GPC6: variants seen among roughly 807,000 people sequenced by gnomAD.
GPC6 encodes glypican-6.
A neutral mutation model predicts 55.2 loss-of-function variants in GPC6; 14 were observed. The observed-to-expected ratio is 0.25, with a 90% confidence interval of 0.17 to 0.40. GPC6 has a LOEUF of 0.40. GPC6 is among the 10% of genes least tolerant of loss of function. The probability of loss-of-function intolerance (pLI) is 1.00; values close to 1 mark genes in which losing one functional copy is unlikely to be tolerated. For synonymous variants in GPC6, 278 were observed against 259.6 expected (o/e 1.07, Z -0.68); for missense variants, 641 against 708.5 (o/e 0.90, Z 1.08).
intron 4 of GPC6, among the ~76,000 whole-genome samples, chr13:94,163,346 C>T (rs1888235212): frequency 6.6e-6 from 1 of 151,874 alleles, no homozygotes; most frequent in Non-Finnish European, 1.5e-5. Flanking sequence ...ACCTCCACCT[C>T]CCTTGACTCC....
chr13:94,176,683 C>T (rs1888786166), intron 4 of GPC6, among the ~76,000 whole-genome samples: 1 of 152,138 alleles, frequency 6.6e-6, no homozygotes, highest in Non-Finnish European at 1.5e-5. Context: ...ATGTATTCTC[C>T]TTCTATTAAG....
chr13:94,066,110 A>G (rs1884506746), intron 4 of GPC6, among the ~76,000 whole-genome samples: 1 of 152,204 alleles, frequency 6.6e-6, no homozygotes, highest in Non-Finnish European at 1.5e-5. Flanking sequence ...AATAGACAGT[A>G]TAAATTAATT....
chr13:94,313,694 TAA>T (rs1476371361), intron 6 of GPC6, among the ~76,000 whole-genome samples: 1 of 152,190 alleles, frequency 6.6e-6, no homozygotes, highest in Non-Finnish European at 1.5e-5. Context: ...TTGCACAACT[TAA>T]TATTAAGTGT....
intron 3 of GPC6, among the ~76,000 whole-genome samples, chr13:93,948,508 T>C (rs374236877): frequency 8.5e-5 from 13 of 152,310 alleles, no homozygotes; most frequent in African/African-American, 1.9e-4. Flanking sequence ...AATTTTTTCT[T>C]AAATTATTAA....
intron 2 of GPC6, among the ~76,000 whole-genome samples, chr13:93,787,741 A>G (rs1014415628): frequency 1.3e-5 from 2 of 152,200 alleles, no homozygotes; most frequent in African/African-American, 2.4e-5. Flanking sequence ...GTTAGCTATT[A>G]TCACCCTTCT....
chr13:93,403,345 T>C (rs1326037297), intron 1 of GPC6, among the ~76,000 whole-genome samples: 1 of 152,190 alleles, frequency 6.6e-6, no homozygotes, highest in Admixed American at 6.5e-5. Flanking sequence ...CTGGCTCTTC[T>C]TTTAGTAAAA....
intron 4 of GPC6, among the ~76,000 whole-genome samples, chr13:94,214,677 G>A (rs1259606900): frequency 1.1e-4 from 17 of 152,036 alleles, no homozygotes; most frequent in Admixed American, 1.1e-3. Flanking sequence ...CGTATTGATG[G>A]AAGAACTGTT....
chr13:93,670,803 A>G (rs1441084468), intron 2 of GPC6, among the ~76,000 whole-genome samples: 1 of 152,228 alleles, frequency 6.6e-6, no homozygotes, highest in African/African-American at 2.4e-5. Context: ...CACTTAAGAA[A>G]CAAAAATGTT....
chr13:94,310,244 G>A (rs1006516339), intron 6 of GPC6, among the ~76,000 whole-genome samples: 2 of 152,028 alleles, frequency 1.3e-5, no homozygotes, highest in Non-Finnish European at 2.9e-5. Context: ...ACTGTGCATG[G>A]TGTATCTTAG....
chr13:93,800,683 A>G (rs1215683143), intron 2 of GPC6, among the ~76,000 whole-genome samples: 1 of 152,186 alleles, frequency 6.6e-6, no homozygotes, highest in Non-Finnish European at 1.5e-5. Context: ...TATAAAACTG[A>G]TTATGTTTTT....
intron 3 of GPC6, among the ~76,000 whole-genome samples, chr13:93,880,537 G>C (rs1275842077): frequency 5.3e-5 from 8 of 152,062 alleles, no homozygotes; most frequent in Admixed American, 4.6e-4. Flanking sequence ...ACACAGGAAG[G>C]GGAACATCAC....
chr13:93,505,197 A>G (rs1321532145), intron 1 of GPC6, among the ~76,000 whole-genome samples: 1 of 152,166 alleles, frequency 6.6e-6, no homozygotes, highest in Non-Finnish European at 1.5e-5. Context: ...TCATATTAGC[A>G]GGGGCCTAAG....
chr13:93,682,131 T>G (rs1881866213), intron 2 of GPC6, among the ~76,000 whole-genome samples: 1 of 151,890 alleles, frequency 6.6e-6, no homozygotes, highest in Non-Finnish European at 1.5e-5. Context: ...CAGACAGGAG[T>G]AAAGATTTAT....
chr13:94,172,052 T>G (rs181434203), intron 4 of GPC6, among the ~76,000 whole-genome samples: 1 of 152,164 alleles, frequency 6.6e-6, no homozygotes, highest in East Asian at 1.9e-4. Flanking sequence ...GTGAGCATTG[T>G]TTAAATGCCC....
chr13:93,258,786 A>G lies in GPC6; in HGVS notation c.160+31170A>G, dbSNP rs867374802. Among the ~76,000 whole-genome samples the G allele has an allele frequency of 7.2e-5, 11 of 152,112 alleles. No individual in the cohort carries two copies. In the South Asian group the frequency reaches 2.1e-3, roughly 29 times the overall value. ...AGGCCCCATCTCTACAGAAAAAATA[A>G]AAAATAAAAAAAAATTAGCCTGGTG... is the stretch of plus-strand genomic sequence containing the variant. On this transcript the variant is annotated intron_variant, in intron 1 of 8. Coordinates refer to ENST00000377047, the MANE Select transcript of GPC6 (RefSeq NM_005708.5).
At chr13:93,218,993 T>C in the GPC6 span, among the ~76,000 whole-genome samples, 1 of 152,196 alleles carries the variant, frequency 6.6e-6, no homozygotes, top group African/African-American at 2.4e-5. Flanking sequence ...CTGATGTTGT[T>C]GACTTGGTTC....
intron 4 of GPC6, among the ~76,000 whole-genome samples, chr13:94,057,037 C>T (rs893282099): frequency 2.0e-5 from 3 of 152,174 alleles, no homozygotes; most frequent in Non-Finnish European, 4.4e-5. Flanking sequence ...TGAAACAAAG[C>T]TATTATATTG....
rs11350011 is a variant in GPC6, at chr13:93,833,570, A to AT, written c.711+3036dup. On this transcript the variant is annotated intron_variant, in intron 3 of 8. Transcript: ENST00000377047. ...TATCTCCTGCATCCTGATTTGAGTG[A>AT]TTTTTTTTTTTCTCTTCAGTTTCTC... is the stretch of plus-strand genomic sequence containing the variant. Among the ~76,000 whole-genome samples, 40 of 150,692 alleles carry AT rather than the reference A, an allele frequency of 2.7e-4. 1 individual carries two copies. The highest frequency in any genetic ancestry group is 1.2e-3 in the East Asian group (6 of 5,084).
At chr13:93,592,985 T>G (rs867625659) in intron 2 of GPC6, among the ~76,000 whole-genome samples, 8 of 152,098 alleles carry the variant, frequency 5.3e-5, no homozygotes, top group Non-Finnish European at 7.4e-5. Context: ...AAAAATCATT[T>G]TATTTATTTA....
Sources: allele counts gnomAD v4.1 joint callset (sites outside exome capture counted in the v4.1 genomes callset), GRCh38; gene constraint gnomAD v4.1.1; transcripts MANE v1.5; gene names NCBI Gene and HGNC (gene_info 2026-07-23, HGNC 2026-07-21).